DCC: variants seen among roughly 807,000 people sequenced by gnomAD.
The protein encoded by DCC is netrin receptor DCC.
In DCC, 58 loss-of-function variants were observed where a neutral mutation model predicts 172.5. The ratio of observed to expected loss-of-function variants is 0.34; its 90% CI spans 0.27 to 0.42. DCC has a LOEUF of 0.42. Ranked by LOEUF, DCC falls within the 10% of genes least tolerant of loss-of-function variation. DCC has a pLI of 1.00. For missense variants in DCC, 1,740 were observed against 1,791.0 expected (o/e 0.97, Z 0.51); for synonymous variants, 709 against 644.5 (o/e 1.10, Z -1.52).
At chr18:52,845,714 A>G (rs2038876462) in intron 2 of DCC, among the ~76,000 whole-genome samples, 2 of 152,358 alleles carry the variant, frequency 1.3e-5, no homozygotes, top group Admixed American at 1.3e-4. Context: ...GAAAAACTTC[A>G]GGCAAATTAA....
intron 1 of DCC, among the ~76,000 whole-genome samples, chr18:52,566,587 T>C (rs2033166493): frequency 1.3e-5 from 2 of 152,122 alleles, no homozygotes; most frequent in African/African-American, 2.4e-5. Context: ...CAGATGGTGG[T>C]AGTTTTATAC....
At chr18:52,644,456 G>A (rs1308425331) in intron 1 of DCC, among the ~76,000 whole-genome samples, 1 of 151,932 alleles carries the variant, frequency 6.6e-6, no homozygotes, top group East Asian at 1.9e-4. Flanking sequence ...GCAGGAGCCT[G>A]TAGTCCCAGC....
At chr18:52,562,675 A>G (rs1234388311) in intron 1 of DCC, among the ~76,000 whole-genome samples, 1 of 152,154 alleles carries the variant, frequency 6.6e-6, no homozygotes, top group Non-Finnish European at 1.5e-5. Flanking sequence ...TATGATTAGG[A>G]AAAAATGAAG....
chr18:52,968,717 T>G (rs2040974657), intron 5 of DCC, among the ~76,000 whole-genome samples: 1 of 152,222 alleles, frequency 6.6e-6, no homozygotes, highest in Non-Finnish European at 1.5e-5. Context: ...TTTTTAGTTC[T>G]CATGTAATTT....
chr18:52,910,196 C>T (rs893052150), intron 3 of DCC, among the ~76,000 whole-genome samples: 4 of 152,070 alleles, frequency 2.6e-5, no homozygotes, highest in African/African-American at 4.8e-5. Context: ...AAACATATCA[C>T]ATGTGGCTTA....
At chr18:52,409,189 C>T (rs1193259698) in intron 1 of DCC, 1 of 152,092 alleles carries the variant, frequency 6.6e-6, no homozygotes, top group Non-Finnish European at 1.5e-5. Flanking sequence ...TTACATTGCA[C>T]CTGCCTCAGG....
At chr18:52,679,372 A>C (rs2035702049) in intron 1 of DCC, among the ~76,000 whole-genome samples, 1 of 152,050 alleles carries the variant, frequency 6.6e-6, no homozygotes, top group Admixed American at 6.6e-5. Context: ...GTTCATTCTA[A>C]AGCTAACTTT....
intron 2 of DCC, among the ~76,000 whole-genome samples, chr18:52,854,243 C>A (rs1206012650): frequency 1.3e-5 from 2 of 152,096 alleles, no homozygotes; most frequent in Admixed American, 6.5e-5. Flanking sequence ...CAAAGTATAA[C>A]CTCTCATTTA....
intron 3 of DCC, among the ~76,000 whole-genome samples, chr18:52,914,325 AGAT>A (rs1379256680): frequency 2.6e-5 from 4 of 152,174 alleles, no homozygotes; most frequent in South Asian, 4.1e-4. Context: ...TGATAAGAAT[AGAT>A]GATTTCCTTT....
At chr18:53,271,160 A>C (rs1037531142) in intron 12 of DCC, among the ~76,000 whole-genome samples, 4 of 152,132 alleles carry the variant, frequency 2.6e-5, no homozygotes, top group African/African-American at 9.7e-5. Context: ...TTTGGTTAAT[A>C]AGTAGGAGCA....
chr18:53,273,101 A>G (rs2056766592), intron 12 of DCC, among the ~76,000 whole-genome samples: 1 of 152,172 alleles, frequency 6.6e-6, no homozygotes, highest in Non-Finnish European at 1.5e-5. Flanking sequence ...CAAGAGCAGT[A>G]AGATCAGCCA....
chr18:53,087,046 G>A (rs1046803733), intron 7 of DCC, among the ~76,000 whole-genome samples: 9 of 151,758 alleles, frequency 5.9e-5, no homozygotes, highest in East Asian at 2.0e-4. Context: ...GTTGTGAATA[G>A]TGCCGCAATA....
chr18:53,206,364 TATTGTAACAC>T (rs2055637943), intron 10 of DCC, among the ~76,000 whole-genome samples: 2 of 47,256 alleles, frequency 4.2e-5, no homozygotes, highest in African/African-American at 1.4e-4. Flanking sequence ...TACATATATG[TATTGTAACAC>T]ATATATGTAT....
chr18:52,564,904 G>T (rs2033124382), intron 1 of DCC, among the ~76,000 whole-genome samples: 1 of 152,070 alleles, frequency 6.6e-6, no homozygotes, highest in Non-Finnish European at 1.5e-5. Flanking sequence ...GGTACCTAGA[G>T]TGTGTTGCTG....
At chr18:53,441,815 A>T (rs956808981) in intron 22 of DCC, among the ~76,000 whole-genome samples, 1 of 152,076 alleles carries the variant, frequency 6.6e-6, no homozygotes, top group East Asian at 1.9e-4. Context: ...AAAACAAATC[A>T]CGTCTGTTTC....
At chr18:52,917,046 G>T (rs2040051382) in intron 3 of DCC, among the ~76,000 whole-genome samples, 1 of 145,754 alleles carries the variant, frequency 6.9e-6, no homozygotes, top group Non-Finnish European at 1.5e-5. Context: ...AACTTGGGAG[G>T]CTGAGACAGG....
intron 15 of DCC, among the ~76,000 whole-genome samples, chr18:53,342,073 T>C (rs1458455581): frequency 1.3e-5 from 2 of 152,072 alleles, no homozygotes; most frequent in Non-Finnish European, 1.5e-5. Context: ...TCAAGTATCA[T>C]GGTTGTATAT....
intron 9 of DCC, among the ~76,000 whole-genome samples, chr18:53,187,214 C>A (rs1193773178): frequency 1.3e-5 from 2 of 151,364 alleles, no homozygotes; most frequent in Admixed American, 1.3e-4. Flanking sequence ...CCTCCACGTC[C>A]TGAGTTCGTG....
At chr18:52,739,203 A>G (rs2036777504) in intron 1 of DCC, among the ~76,000 whole-genome samples, 1 of 152,174 alleles carries the variant, frequency 6.6e-6, no homozygotes, top group Non-Finnish European at 1.5e-5. Flanking sequence ...ATTAACCAAA[A>G]CATTATTATG....
Sources: allele counts gnomAD v4.1 joint callset (sites outside exome capture counted in the v4.1 genomes callset), GRCh38; gene constraint gnomAD v4.1.1; transcripts MANE v1.5; gene names NCBI Gene and HGNC (gene_info 2026-07-23, HGNC 2026-07-21).